The following PIEZO2 variants were observed in gnomAD, a reference collection of about 807,000 sequenced individuals.
The protein encoded by PIEZO2 is piezo-type mechanosensitive ion channel component 2.
In PIEZO2, 172 loss-of-function variants were observed where a neutral mutation model predicts 337.3. That is an observed-to-expected ratio of 0.51 (90% CI 0.45 to 0.58). The LOEUF is 0.58. Among genes scored for constraint, PIEZO2 ranks in the 20% least tolerant of loss-of-function variants. The pLI, the probability that PIEZO2 is intolerant of heterozygous loss-of-function variation, is 0.00. For missense variants in PIEZO2, 3,028 were observed against 3,391.3 expected, an observed-to-expected ratio of 0.89 and a Z score of 2.66; for synonymous variants, 1,251 against 1,228.5, an observed-to-expected ratio of 1.02 and a Z score of -0.38.
intron 37 of PIEZO2, 98 bp downstream of exon 37, chr18:10,718,102 T>G: frequency 1.9e-6 from 2 of 1,055,194 alleles, no homozygotes. Context: ...AAAACAGTGT[T>G]CGATTCACAA....
rs772324794 is a variant in PIEZO2 at position 10,794,965 on chromosome 18, A to G, written c.1565T>C (p.Val522Ala). 2 of 1,548,034 alleles carry G rather than the reference A, an allele frequency of 1.3e-6. No individual in the cohort carries two copies. The change falls in exon 13 of 56, where the codon GTG becomes GCG. Residue 522 changes from valine (V) to alanine (A), a missense_variant. Physicochemically the swap from Val to Ala is moderately conservative, Grantham distance 64. Coordinates refer to ENST00000674853, the MANE Select transcript of PIEZO2 (RefSeq NM_001378183.1). This position sits in a 1 kb window ranked among gnomAD's most constrained non-coding sequence, Gnocchi z 6.6. ...AAGAGTGCACGACCAGATCAGCAGC[A>G]CGAAGGTCAGCCAGCTGTGATAGGT... ...SITYHSWLTF[V>A]LLIWSCTLWM... is the part of the protein sequence containing the mutation.
chr18:11,016,352 A>T lies in PIEZO2; in HGVS notation c.161-36692T>A, dbSNP rs940701459. 4.3e-4 allele frequency among the ~76,000 whole-genome samples: 66 copies of T among 152,200 alleles called. No individual in the cohort carries two copies. Among genetic ancestry groups the T allele is most frequent in the African/African-American group, 1.6e-3 (66 of 41,440 alleles). ...CAGAGCGAAAAAACAGGCACAGAGCAAGGACACAAGGCAACATCCAGAGGC... is the reference window on the plus strand; with the variant it reads ...CAGAGCGAAAAAACAGGCACAGAGCTAGGACACAAGGCAACATCCAGAGGC... On this transcript the variant is annotated intron_variant, in intron 2 of 55. Transcript: ENST00000674853. The surrounding 1 kb of genome is among the most constrained non-coding windows in gnomAD (Gnocchi z 5.6).
chr18:11,018,542 G>T (rs2036203256), intron 2 of PIEZO2, among the ~76,000 whole-genome samples: 1 of 151,946 alleles, frequency 6.6e-6, no homozygotes, highest in African/African-American at 2.4e-5. Context: ...CTCATTTATG[G>T]CCAAATTGTG....
chr18:10,744,282 T>A, intron 30 of PIEZO2, 51 bp from the exon 31 acceptor site: 1 of 1,177,400 alleles, frequency 8.5e-7, no homozygotes. Context: ...CCATTGTTGT[T>A]CCCCTTTTCC....
At position 10,824,462 on chromosome 18, in the gene PIEZO2, G is replaced by C. The variant is rs933152550; in HGVS notation, c.918-17188C>G. Among the ~76,000 whole-genome samples the C allele has an allele frequency of 6.6e-6, 1 of 152,148 alleles. No individual in the cohort carries two copies. Among genetic ancestry groups the C allele is most frequent in the African/African-American group, 2.4e-5 (1 of 41,434 alleles). On this transcript the variant is annotated intron_variant, in intron 7 of 55. Coordinates refer to ENST00000674853, the MANE Select transcript of PIEZO2 (RefSeq NM_001378183.1). This position sits in a 1 kb window ranked among gnomAD's most constrained non-coding sequence, Gnocchi z 4.4. ...TTATTTAAGGATATTTGTTGGCTATGAACAGTAATAGTGCAAAGCTAATAA... is the reference window on the plus strand; with the variant it reads ...TTATTTAAGGATATTTGTTGGCTATCAACAGTAATAGTGCAAAGCTAATAA...
chr18:10,782,401 TTA>T (rs57816222), intron 17 of PIEZO2, among the ~76,000 whole-genome samples: 5,746 of 74,132 alleles, frequency 0.078, 307 homozygotes, highest in Non-Finnish European at 0.1. Flanking sequence ...ATATAAATAA[TTA>T]TATAATATAT....
intron 2 of PIEZO2, among the ~76,000 whole-genome samples, chr18:11,053,727 G>A (rs1021661352): frequency 6.6e-6 from 1 of 152,298 alleles, no homozygotes; most frequent in South Asian, 2.1e-4. Flanking sequence ...TAATATATCG[G>A]GTTAAAAGAC....
At chr18:10,920,758 T>C (rs1029840290) in intron 3 of PIEZO2, among the ~76,000 whole-genome samples, 3 of 151,820 alleles carry the variant, frequency 2.0e-5, no homozygotes, top group African/African-American at 7.3e-5. Context: ...CAAAAGGAGG[T>C]GTAAGAATGT....
chr18:10,787,288 A>T, intron 15 of PIEZO2, 104 bp from the exon 16 acceptor site: 2 of 1,106,750 alleles, frequency 1.8e-6, no homozygotes, highest in Non-Finnish European at 1.2e-6. Context: ...TACATTTACA[A>T]GTGTCTGAAA....
chr18:10,705,119 A>G (rs113435948), intron 41 of PIEZO2, among the ~76,000 whole-genome samples: 4 of 152,336 alleles, frequency 2.6e-5, no homozygotes, highest in African/African-American at 9.6e-5. Context: ...AGAAATGTCA[A>G]CACAAGGCTC....
At chr18:10,865,631 C>A (rs1056771223) in intron 5 of PIEZO2, among the ~76,000 whole-genome samples, 1 of 152,138 alleles carries the variant, frequency 6.6e-6, no homozygotes, top group African/African-American at 2.4e-5. Flanking sequence ...GGGGAAGGAG[C>A]TGTGTCTCCC....
At chr18:11,062,056 C>T (rs1040373578) in intron 2 of PIEZO2, among the ~76,000 whole-genome samples, 2 of 152,112 alleles carry the variant, frequency 1.3e-5, no homozygotes, top group African/African-American at 4.8e-5. Context: ...GGTACCAAAA[C>T]AGAGATATAG....
At chr18:10,731,138 G>A (rs1446213096) in intron 36 of PIEZO2, among the ~76,000 whole-genome samples, 1 of 118,794 alleles carries the variant, frequency 8.4e-6, no homozygotes, top group Non-Finnish European at 1.8e-5. Context: ...ACTTTTTTTG[G>A]GTTTCATTTG....
chr18:10,977,198 G>A (rs930169701), intron 3 of PIEZO2, among the ~76,000 whole-genome samples: 1 of 151,908 alleles, frequency 6.6e-6, no homozygotes, highest in African/African-American at 2.4e-5. Flanking sequence ...GAAACACTTA[G>A]ACTCTTGTGA....
chr18:10,910,152 C>G (rs2030332401), intron 4 of PIEZO2, among the ~76,000 whole-genome samples: 1 of 152,284 alleles, frequency 6.6e-6, no homozygotes, highest in South Asian at 2.1e-4. Context: ...CCTACTGTGA[C>G]AGTAAAATGA....
At chr18:11,076,186 G>GT (rs1224658812) in intron 1 of PIEZO2, among the ~76,000 whole-genome samples, 1 of 152,210 alleles carries the variant, frequency 6.6e-6, no homozygotes, top group East Asian at 1.9e-4. Flanking sequence ...ATGCTGCAGT[G>GT]TGTCAGCACA....
intron 52 of PIEZO2, among the ~76,000 whole-genome samples, chr18:10,679,880 G>A (rs2034185143): frequency 6.6e-6 from 1 of 152,290 alleles, no homozygotes; most frequent in African/African-American, 2.4e-5. Context: ...ATAAAATACA[G>A]TGGATTTTGG....
chr18:10,801,805 G>T (rs1598500536), intron 9 of PIEZO2, among the ~76,000 whole-genome samples: 1 of 151,932 alleles, frequency 6.6e-6, no homozygotes, highest in East Asian at 1.9e-4. Flanking sequence ...AGAAAAATTG[G>T]GCTCGGCGCG....
chr18:10,910,122 G>A (rs2030328162), intron 4 of PIEZO2, among the ~76,000 whole-genome samples: 2 of 152,048 alleles, frequency 1.3e-5, no homozygotes, highest in African/African-American at 2.4e-5. Context: ...TTTCAATATG[G>A]TAAAAAGAAC....
Sources: gnomAD v4.1 joint callset for allele counts (sites outside exome capture counted in the v4.1 genomes callset) on GRCh38, gnomAD v4.1.1 for gene constraint, Gnocchi (gnomAD v3.1) non-coding constraint, MANE v1.5 for transcripts, NCBI Gene and HGNC (gene_info 2026-07-23, HGNC 2026-07-21) for gene names.